The following CTNNA2 variants were observed in gnomAD, a reference collection of about 807,000 sequenced individuals.
The protein encoded by CTNNA2 is catenin alpha-2.
CTNNA2 carries 42 observed loss-of-function variants against 101.0 expected under a neutral mutation model. The observed-to-expected ratio is 0.42, with a 90% CI of 0.32 to 0.54. The LOEUF is 0.54. CTNNA2 is among the 20% of genes least tolerant of loss of function. The pLI is 0.14. For synonymous variants in CTNNA2, 450 were observed against 456.4 expected, an observed-to-expected ratio of 0.99 and a Z score of 0.18; for missense variants, 871 against 1,223.1, an observed-to-expected ratio of 0.71 and a Z score of 4.29.
intron 7 of CTNNA2, among the ~76,000 whole-genome samples, chr2:80,264,214 T>G (rs577996894): frequency 6.6e-6 from 1 of 152,244 alleles, no homozygotes; most frequent in African/African-American, 2.4e-5. Context: ...CAACGATTTA[T>G]TTTCTTCTGC....
intron 7 of CTNNA2, among the ~76,000 whole-genome samples, chr2:80,323,805 A>G (rs1678961466): frequency 6.6e-6 from 1 of 151,976 alleles, no homozygotes; most frequent in Non-Finnish European, 1.5e-5. Context: ...AGCTTACAGG[A>G]CTCCTAGACC....
chr2:80,509,240 G>A (rs934494), intron 9 of CTNNA2, among the ~76,000 whole-genome samples: 4,279 of 152,244 alleles, frequency 0.028, 115 homozygotes, highest in East Asian at 0.061. Context: ...AGAAACTTGA[G>A]GCTCAGGGAA....
chr2:79,402,224 C>G (rs1678297177), intron 4 of CTNNA2, among the ~76,000 whole-genome samples: 1 of 151,774 alleles, frequency 6.6e-6, no homozygotes, highest in Non-Finnish European at 1.5e-5. Context: ...CTCAGTACTT[C>G]ACTTTCAATA....
At chr2:80,258,644 A>G (rs1672360093) in intron 7 of CTNNA2, among the ~76,000 whole-genome samples, 1 of 152,134 alleles carries the variant, frequency 6.6e-6, no homozygotes, top group South Asian at 2.1e-4. Flanking sequence ...TTTCACATGC[A>G]ATTCTGCATG....
chr2:80,382,453 T>C (rs188893704), intron 7 of CTNNA2, among the ~76,000 whole-genome samples: 1 of 152,190 alleles, frequency 6.6e-6, no homozygotes, highest in Non-Finnish European at 1.5e-5. Flanking sequence ...ACATCGGAAA[T>C]TCAATTAACA....
At chr2:80,468,277 GA>G (rs1307042603) in intron 9 of CTNNA2, among the ~76,000 whole-genome samples, 5 of 152,200 alleles carry the variant, frequency 3.3e-5, no homozygotes, top group African/African-American at 1.2e-4. Flanking sequence ...GACCCTATTT[GA>G]AAAACCAAAA....
intron 3 of CTNNA2, among the ~76,000 whole-genome samples, chr2:79,848,241 A>C (rs1680396608): frequency 6.6e-6 from 1 of 152,210 alleles, no homozygotes; most frequent in South Asian, 2.1e-4. Context: ...TGTGTTGCAC[A>C]ATGAAATTTA....
At chr2:80,579,814 C>A (rs1252081223) in intron 13 of CTNNA2, among the ~76,000 whole-genome samples, 1 of 152,198 alleles carries the variant, frequency 6.6e-6, no homozygotes. Flanking sequence ...TCATCAATAA[C>A]CACACCTGAT....
chr2:80,578,090 T>A (rs1695217623), intron 13 of CTNNA2, among the ~76,000 whole-genome samples: 1 of 152,296 alleles, frequency 6.6e-6, no homozygotes, highest in East Asian at 1.9e-4. Context: ...GCAACTGACA[T>A]GTGGTATGAC....
At chr2:79,921,038 A>G (rs142741177) in intron 7 of CTNNA2, among the ~76,000 whole-genome samples, 5 of 152,316 alleles carry the variant, frequency 3.3e-5, no homozygotes, top group Admixed American at 3.3e-4. Context: ...TAAAAGACAC[A>G]AAATAATTTG....
At chr2:79,372,892 T>C (rs1183307670) in intron 3 of CTNNA2, among the ~76,000 whole-genome samples, 2 of 152,214 alleles carry the variant, frequency 1.3e-5, no homozygotes, top group Admixed American at 1.3e-4. Context: ...TAAAACTTTT[T>C]AAACCTGGAC....
At chr2:79,769,904 G>T (rs984964792) in intron 3 of CTNNA2, among the ~76,000 whole-genome samples, 2 of 152,132 alleles carry the variant, frequency 1.3e-5, no homozygotes, top group Non-Finnish European at 2.9e-5. Flanking sequence ...GTCTAGTGGG[G>T]TATCCATTCA....
At chr2:79,947,160 G>C (rs538558116) in intron 7 of CTNNA2, among the ~76,000 whole-genome samples, 1 of 152,166 alleles carries the variant, frequency 6.6e-6, no homozygotes, top group Admixed American at 6.5e-5. Flanking sequence ...TATTTAGTAT[G>C]TTAAAATAAA....
intron 7 of CTNNA2, among the ~76,000 whole-genome samples, chr2:80,233,984 C>T (rs940117742): frequency 7.2e-5 from 11 of 152,118 alleles, no homozygotes; most frequent in South Asian, 4.1e-4. Context: ...ACTACTTTGA[C>T]TAAGTAGATT....
chr2:80,293,012 G>A (rs1675399868), intron 7 of CTNNA2, among the ~76,000 whole-genome samples: 1 of 152,124 alleles, frequency 6.6e-6, no homozygotes, highest in Non-Finnish European at 1.5e-5. Flanking sequence ...GCTGCATTCT[G>A]AAAAGTCCCA....
chr2:79,633,064 A>G (rs1262216453), intron 1 of CTNNA2, among the ~76,000 whole-genome samples: 1 of 152,258 alleles, frequency 6.6e-6, no homozygotes, highest in African/African-American at 2.4e-5. Context: ...CAGTCTGAAC[A>G]CAAAGAATGC....
At chr2:80,493,460 T>C (rs1687213259) in intron 9 of CTNNA2, among the ~76,000 whole-genome samples, 1 of 152,138 alleles carries the variant, frequency 6.6e-6, no homozygotes, top group Non-Finnish European at 1.5e-5. Flanking sequence ...CCTGGAAGAC[T>C]CAATAACACT....
intron 2 of CTNNA2, among the ~76,000 whole-genome samples, chr2:79,657,154 A>T (rs948057131): frequency 1.3e-5 from 2 of 151,876 alleles, no homozygotes; most frequent in Non-Finnish European, 2.9e-5. Flanking sequence ...AATAAACTCA[A>T]AATTTGGTGA....
chr2:79,521,117 T>G (rs1259432735), intron 1 of CTNNA2, among the ~76,000 whole-genome samples: 4 of 1,648 alleles, frequency 2.4e-3, no homozygotes, highest in Non-Finnish European at 5.5e-3. Flanking sequence ...GATATATATA[T>G]ATATATATAT....
Sources: allele counts gnomAD v4.1 joint callset (sites outside exome capture counted in the v4.1 genomes callset), GRCh38; gene constraint gnomAD v4.1.1; transcripts MANE v1.5; gene names NCBI Gene and HGNC (gene_info 2026-07-23, HGNC 2026-07-21).